The following CPNE8 variants were observed in gnomAD, a reference collection of about 807,000 sequenced individuals.
The protein encoded by CPNE8 is copine 8, also known as copine-8.
CPNE8 carries 45 observed loss-of-function variants against 81.5 expected under a neutral mutation model. The observed-to-expected ratio is 0.55, with a 90% confidence interval of 0.44 to 0.71. The LOEUF is 0.71. Ranked by LOEUF, CPNE8 falls within the 30% of genes least tolerant of loss-of-function variation. CPNE8 has a pLI of 0.00. For missense variants in CPNE8, 594 were observed against 672.1 expected (o/e 0.88, Z 1.28); for synonymous variants, 252 against 226.3 (o/e 1.11, Z -1.02).
At chr12:38,778,235 A>C (rs557667179) in intron 6 of CPNE8, among the ~76,000 whole-genome samples, 1 of 152,296 alleles carries the variant, frequency 6.6e-6, no homozygotes, top group East Asian at 1.9e-4. Context: ...TTGGTACCAA[A>C]AAGGTTGGGG....
At chr12:38,885,540 C>A (rs1944225346) in intron 1 of CPNE8, among the ~76,000 whole-genome samples, 1 of 152,088 alleles carries the variant, frequency 6.6e-6, no homozygotes, top group Admixed American at 6.5e-5. Flanking sequence ...TTATACAGCC[C>A]AGATTCAGGC....
chr12:38,768,933 A>T (rs1016427294), intron 7 of CPNE8, among the ~76,000 whole-genome samples: 3 of 152,230 alleles, frequency 2.0e-5, no homozygotes, highest in Non-Finnish European at 4.4e-5. Context: ...ACAATGTCTG[A>T]AAAAGCATTC....
intron 19 of CPNE8, among the ~76,000 whole-genome samples, chr12:38,662,091 T>C (rs2101370): frequency 0.77 from 117,165 of 152,078 alleles, 49,916 homozygotes; most frequent in Middle Eastern, 0.97. Context: ...TCAAAGAACT[T>C]GAACAAGAGA....
At chr12:38,672,975 C>T (rs182765914) in intron 18 of CPNE8, among the ~76,000 whole-genome samples, 80 of 152,220 alleles carry the variant, frequency 5.3e-4, no homozygotes, top group Admixed American at 1.8e-3. Flanking sequence ...TGTCCCCACC[C>T]AAATCTCATC....
intron 11 of CPNE8, among the ~76,000 whole-genome samples, chr12:38,729,932 C>T (rs1472804489): frequency 6.7e-6 from 1 of 149,962 alleles, no homozygotes; most frequent in Non-Finnish European, 1.5e-5. Flanking sequence ...TTTATAACGC[C>T]ACACTGACAC....
chr12:38,693,265 C>T (rs777927365), intron 15 of CPNE8, among the ~76,000 whole-genome samples: 2 of 152,146 alleles, frequency 1.3e-5, no homozygotes, highest in African/African-American at 4.8e-5. Flanking sequence ...CCATTCAAGT[C>T]ACCTAAGCTG....
At chr12:38,666,492 G>A (rs942774252) in intron 19 of CPNE8, among the ~76,000 whole-genome samples, 11 of 152,122 alleles carry the variant, frequency 7.2e-5, no homozygotes, top group East Asian at 1.9e-4. Context: ...ATCCAGGTGC[G>A]GCGAGTGAGG....
chr12:38,894,873 A>G (rs1440220933), intron 1 of CPNE8, among the ~76,000 whole-genome samples: 1 of 152,118 alleles, frequency 6.6e-6, no homozygotes, highest in East Asian at 1.9e-4. Context: ...GGATTGTAGG[A>G]ATGCTCAGAG....
upstream of CPNE8, chr12:38,905,755 A>C: frequency 7.2e-7 from 1 of 1,392,562 alleles, no homozygotes; most frequent in Non-Finnish European, 9.3e-7. Flanking sequence ...GCTGCCAGGC[A>C]AGTGGCGCGC....
chr12:38,742,173 G>T (rs1237848041), intron 10 of CPNE8, among the ~76,000 whole-genome samples: 1 of 151,990 alleles, frequency 6.6e-6, no homozygotes. Context: ...CCCATTACTG[G>T]GTATATACCC....
intron 8 of CPNE8, among the ~76,000 whole-genome samples, chr12:38,763,749 A>G (rs1005562917): frequency 1.3e-5 from 2 of 152,234 alleles, no homozygotes; most frequent in Admixed American, 1.3e-4. Flanking sequence ...AGTGATCTTC[A>G]CTGAAACAAT....
At chr12:38,696,372 T>TAAA (rs58877067) in intron 14 of CPNE8, among the ~76,000 whole-genome samples, 1 of 138,830 alleles carries the variant, frequency 7.2e-6, no homozygotes, top group Non-Finnish European at 1.6e-5. Context: ...TGTTCTATAC[T>TAAA]AAAAAAAAAA....
At chr12:38,655,498 C>T (rs1166720102) in intron 19 of CPNE8, among the ~76,000 whole-genome samples, 1 of 152,020 alleles carries the variant, frequency 6.6e-6, no homozygotes, top group Non-Finnish European at 1.5e-5. Flanking sequence ...AATTTGAGTA[C>T]AATATATAAA....
intron 3 of CPNE8, among the ~76,000 whole-genome samples, chr12:38,859,911 C>G (rs552778503): frequency 6.6e-6 from 1 of 151,944 alleles, no homozygotes; most frequent in Admixed American, 6.6e-5. Context: ...AAAGGCTACT[C>G]AAAATGAAGT....
intron 14 of CPNE8, among the ~76,000 whole-genome samples, chr12:38,695,930 G>A (rs1369908157): frequency 6.6e-6 from 1 of 152,066 alleles, no homozygotes; most frequent in African/African-American, 2.4e-5. Flanking sequence ...AACAGAGCAA[G>A]ACCCTGTCTC....
chr12:38,720,497 A>G (rs879697829), intron 13 of CPNE8, among the ~76,000 whole-genome samples: 3 of 152,240 alleles, frequency 2.0e-5, no homozygotes, highest in Non-Finnish European at 2.9e-5. Context: ...TCACATGCTC[A>G]TAAAGCAAAA....
intron 16 of CPNE8, among the ~76,000 whole-genome samples, chr12:38,684,985 T>C (rs967315132): frequency 1.3e-5 from 2 of 152,212 alleles, no homozygotes; most frequent in Non-Finnish European, 2.9e-5. Flanking sequence ...CAGTACTATG[T>C]ACCATATACA....
rs56007803 is a variant in CPNE8 at position 38,785,024 on chromosome 12, G to A, written c.408-8723C>T. Among the ~76,000 whole-genome samples, 1,510 of 152,052 alleles carry A rather than the reference G, an allele frequency of 9.9e-3. 12 individuals carry two copies. Among genetic ancestry groups the A allele is most frequent in the Non-Finnish European group, 0.015 (1,038 of 67,950 alleles). On this transcript the variant is annotated intron_variant, in intron 6 of 19. Coordinates refer to ENST00000331366, the MANE Select transcript of CPNE8 (RefSeq NM_153634.3). ...AGCCTGGCCAACATGGTGAAACCCCGTCTCTACTAAAAATACAAAAATTAG... is the reference window on the plus strand; with the variant it reads ...AGCCTGGCCAACATGGTGAAACCCCATCTCTACTAAAAATACAAAAATTAG...
chr12:38,791,784 T>A (rs1422183973), intron 6 of CPNE8, among the ~76,000 whole-genome samples: 1 of 151,638 alleles, frequency 6.6e-6, no homozygotes, highest in Non-Finnish European at 1.5e-5. Context: ...TGAATATACA[T>A]TCTCTTCAAG....
Sources: gnomAD v4.1 joint callset for allele counts (sites outside exome capture counted in the v4.1 genomes callset) on GRCh38, gnomAD v4.1.1 for gene constraint, MANE v1.5 for transcripts, NCBI Gene and HGNC (gene_info 2026-07-23, HGNC 2026-07-21) for gene names.